MAP4K4: variants seen among roughly 807,000 people sequenced by gnomAD.
The protein encoded by MAP4K4 is HPK/GCK-like kinase HGK.
A neutral mutation model predicts 189.6 loss-of-function variants in MAP4K4; 38 were observed. That is an observed-to-expected ratio of 0.20 (90% CI 0.15 to 0.26). The LOEUF is 0.26. Ranked by LOEUF, MAP4K4 falls within the 10% of genes least tolerant of loss-of-function variation. The pLI is 1.00. For missense variants in MAP4K4, 1,054 were observed against 1,726.9 expected (o/e 0.61, Z 6.91); for synonymous variants, 610 against 624.3 (o/e 0.98, Z 0.34).
intron 32 of MAP4K4, among the ~76,000 whole-genome samples, chr2:101,890,318 CTT>C (rs2098547459): frequency 6.6e-6 from 1 of 151,992 alleles, no homozygotes; most frequent in African/African-American, 2.4e-5. Context: ...CATTTTTTTC[CTT>C]TGTTGTCTCA....
At chr2:101,863,845 C>G (rs560478972) in exon 17 of MAP4K4, 1 of 1,367,714 alleles carries the variant, frequency 7.3e-7, no homozygotes, top group East Asian at 4.6e-5. Flanking sequence ...CCTGGCATCT[C>G]TCAAGAACAA....
chr2:101,856,159 G>T (rs1251512219), intron 13 of MAP4K4, 21 bp downstream of exon 13: 16 of 1,546,916 alleles, frequency 1.0e-5, no homozygotes, highest in Non-Finnish European at 1.4e-5. Context: ...AGATAACATA[G>T]CAGGCATACA....
intron 3 of MAP4K4, among the ~76,000 whole-genome samples, chr2:101,810,409 C>T (rs1415617450): frequency 1.3e-5 from 2 of 151,844 alleles, no homozygotes; most frequent in African/African-American, 4.8e-5. Context: ...AATTTGTACC[C>T]ATAATTAATA....
intron 2 of MAP4K4, among the ~76,000 whole-genome samples, chr2:101,790,325 G>GA (rs1312045701): frequency 6.7e-6 from 1 of 149,298 alleles, no homozygotes; most frequent in Admixed American, 6.7e-5. Context: ...ATGATTTGTA[G>GA]AAAAAAAAAG....
At chr2:101,819,094 C>G (rs1011665213) in intron 3 of MAP4K4, among the ~76,000 whole-genome samples, 5 of 152,152 alleles carry the variant, frequency 3.3e-5, no homozygotes, top group Non-Finnish European at 7.4e-5. Flanking sequence ...GCCAACTCAA[C>G]TTTCTTTTTG....
intron 2 of MAP4K4, among the ~76,000 whole-genome samples, chr2:101,729,572 C>A (rs947907364): frequency 1.2e-4 from 19 of 152,170 alleles, no homozygotes; most frequent in Non-Finnish European, 2.5e-4. Flanking sequence ...TTAAAAAATA[C>A]ACTTTGAAAC....
chr2:101,743,083 C>T (rs2063557696), intron 2 of MAP4K4, among the ~76,000 whole-genome samples: 1 of 152,128 alleles, frequency 6.6e-6, no homozygotes, highest in Non-Finnish European at 1.5e-5. Context: ...GAGACTGGAG[C>T]AAGATGAACT....
intron 3 of MAP4K4, chr2:101,797,340 A>C: frequency 7.7e-7 from 1 of 1,290,848 alleles, no homozygotes; most frequent in Non-Finnish European, 1.0e-6. Flanking sequence ...TGTGCTTTGC[A>C]TGACTCTGGC....
At chr2:101,784,969 A>T (rs961296775) in intron 2 of MAP4K4, among the ~76,000 whole-genome samples, 1 of 152,142 alleles carries the variant, frequency 6.6e-6, no homozygotes, top group Non-Finnish European at 1.5e-5. Flanking sequence ...CAATGCATAT[A>T]AAATGCTTGT....
intron 2 of MAP4K4, among the ~76,000 whole-genome samples, chr2:101,717,972 C>T (rs1316514940): frequency 6.6e-6 from 1 of 151,814 alleles, no homozygotes; most frequent in African/African-American, 2.4e-5. Flanking sequence ...AAAAAGCTAT[C>T]TTGGCCAGGC....
At chr2:101,698,283 G>A (rs2035651608) in intron 1 of MAP4K4, 146 bp downstream of exon 1, 3 of 539,152 alleles carry the variant, frequency 5.6e-6, no homozygotes. Flanking sequence ...GTGCGGGCTG[G>A]TGCGGGGCGG....
intron 2 of MAP4K4, among the ~76,000 whole-genome samples, chr2:101,762,721 CTG>C (rs2077019295): frequency 6.6e-6 from 1 of 152,184 alleles, no homozygotes; most frequent in African/African-American, 2.4e-5. Flanking sequence ...CAAAGCTGTA[CTG>C]TTGTCTCACT....
chr2:101,717,395 C>T (rs1022584073), intron 2 of MAP4K4, among the ~76,000 whole-genome samples: 4 of 152,150 alleles, frequency 2.6e-5, no homozygotes, highest in Admixed American at 6.5e-5. Flanking sequence ...TGGAAGATGA[C>T]GTTTGAAGAT....
intron 2 of MAP4K4, among the ~76,000 whole-genome samples, chr2:101,749,846 C>T (rs374215041): frequency 5.6e-5 from 7 of 124,958 alleles, no homozygotes; most frequent in Non-Finnish European, 1.1e-4. Context: ...AAAAAGTGGG[C>T]GAAGGACATG....
chr2:101,789,422 A>G (rs2092440306), intron 2 of MAP4K4, among the ~76,000 whole-genome samples: 1 of 152,184 alleles, frequency 6.6e-6, no homozygotes. Flanking sequence ...TTTATTGTAC[A>G]CAGAAGCCCT....
At chr2:101,787,912 T>C (rs1381909158) in intron 2 of MAP4K4, among the ~76,000 whole-genome samples, 3 of 150,966 alleles carry the variant, frequency 2.0e-5, no homozygotes, top group Non-Finnish European at 4.4e-5. Flanking sequence ...CAAGCAATTC[T>C]CCTGCCTCAG....
chr2:101,877,976 C>T (rs1369415058), intron 27 of MAP4K4, among the ~76,000 whole-genome samples: 2 of 152,158 alleles, frequency 1.3e-5, no homozygotes, highest in African/African-American at 4.8e-5. Context: ...GTCTTGATCT[C>T]CTGACCTCAT....
chr2:101,867,779 T>A (rs959593749), intron 20 of MAP4K4: 1 of 482,242 alleles, frequency 2.1e-6, no homozygotes, highest in Non-Finnish European at 3.7e-6. Context: ...GTTGCCTACC[T>A]TCTGCTTTTT....
At chr2:101,868,564 G>A (rs1400643643) in intron 21 of MAP4K4, among the ~76,000 whole-genome samples, 1 of 152,238 alleles carries the variant, frequency 6.6e-6, no homozygotes, top group Non-Finnish European at 1.5e-5. Flanking sequence ...CAGTGTGGAA[G>A]AGTAAAGGGA....
Sources: gnomAD v4.1 joint callset for allele counts (sites outside exome capture counted in the v4.1 genomes callset) on GRCh38, gnomAD v4.1.1 for gene constraint, MANE v1.5 for transcripts, NCBI Gene and HGNC (gene_info 2026-07-23, HGNC 2026-07-21) for gene names.